Variants in FAM228B observed in about 807,000 individuals in gnomAD.
FAM228B encodes family with sequence similarity 228 member B.
A neutral mutation model predicts 42.6 loss-of-function variants in FAM228B; 38 were observed. The ratio of observed to expected loss-of-function variants is 0.89; its 90% CI spans 0.69 to 1.17. FAM228B has a LOEUF of 1.17. Among genes scored for constraint, FAM228B ranks in the 50% most tolerant of loss-of-function variants. FAM228B has a pLI of 0.00. For missense variants in FAM228B, 344 were observed against 367.3 expected (o/e 0.94, Z 0.52); for synonymous variants, 109 against 122.3 (o/e 0.89, Z 0.72).
intron 3 of FAM228B, among the ~76,000 whole-genome samples, chr2:24,136,449 C>T (rs1666591101): frequency 6.6e-6 from 1 of 152,202 alleles, no homozygotes; most frequent in Non-Finnish European, 1.5e-5. Flanking sequence ...GTCTCACACT[C>T]CTTACTTCAA....
intron 8 of FAM228B, among the ~76,000 whole-genome samples, chr2:24,162,616 G>A (rs1316689695): frequency 3.9e-5 from 6 of 152,098 alleles, no homozygotes; most frequent in Non-Finnish European, 8.8e-5. Flanking sequence ...TAAAGGCTAG[G>A]ATATGGATGT....
chr2:24,082,849 C>A, intron 2 of FAM228B: 2 of 1,563,014 alleles, frequency 1.3e-6, no homozygotes, highest in Admixed American at 1.8e-5. Context: ...AGGTGTTGAG[C>A]CACATTGTGT....
At chr2:24,138,174 C>G (rs1202543504) in intron 4 of FAM228B, 74 bp downstream of exon 4, 1 of 1,178,182 alleles carries the variant, frequency 8.5e-7, no homozygotes, top group Non-Finnish European at 1.2e-6. Context: ...TATAATCATT[C>G]AGTCAGTCTG....
intron 9 of FAM228B, chr2:24,165,758 T>C: frequency 3.4e-6 from 1 of 293,458 alleles, no homozygotes; most frequent in Non-Finnish European, 6.9e-6. Flanking sequence ...TATTAGGTGT[T>C]GGGCCATGTG....
chr2:24,110,247 T>C (rs1665767612), intron 3 of FAM228B, among the ~76,000 whole-genome samples: 1 of 151,918 alleles, frequency 6.6e-6, no homozygotes, highest in South Asian at 2.1e-4. Flanking sequence ...ACGTGGATAC[T>C]AGGAGGGAAA....
In FAM228B at chr2:24,164,408, G is replaced by C; in HGVS notation, c.932+73G>C. 2.1e-6 allele frequency: 3 copies of C among 1,459,756 alleles called. No individual in the cohort carries two copies. The South Asian group carries it at 4.0e-5, about 19-fold the overall frequency. The allele number at this position is 1,459,756 out of a possible 1,614,324, so 90.4% of individuals were successfully genotyped here. A position where few individuals can be genotyped will look rare whatever the true frequency, so the allele number is the denominator to read the frequency against. ...CTGATACCAAAATCTGAGCACCTGG[G>C]AACTTTCTTTGTATGGCAGGCTTCC... On this transcript the variant is annotated intron_variant, in intron 9 of 10. Transcript: ENST00000615575.
Position 24,147,073 on chromosome 2 carries a change from T to C in FAM228B, c.673T>C (p.Cys225Arg). The C allele has an allele frequency of 6.5e-7, 1 of 1,550,378 alleles. No homozygotes were observed. The highest frequency in any genetic ancestry group is 8.7e-7 in the Non-Finnish European group (1 of 1,146,250). Residue 225 changes from cysteine (C) to arginine (R), a missense_variant, in exon 7 of 11, where the codon TGT becomes CGT. Cys to Arg is a radical substitution (Grantham distance 180, BLOSUM62 -3). Transcript: ENST00000615575. ...TACAAGATACATAGAAAGTGAATTT[T>C]GTAGAAGGAGAAGGTAATGGTTAAT... is the stretch of plus-strand genomic sequence containing the variant. ...LPTRYIESEF[C>R]RRRRLKVKVN...
intron 2 of FAM228B, among the ~76,000 whole-genome samples, chr2:24,125,146 G>A (rs1471263515): frequency 3.9e-5 from 6 of 152,198 alleles, no homozygotes; most frequent in Non-Finnish European, 8.8e-5. Context: ...GGAGGCTGAG[G>A]TGGGAGGGTC....
chr2:24,141,395 C>G (rs1310885537), intron 5 of FAM228B, among the ~76,000 whole-genome samples: 2 of 152,188 alleles, frequency 1.3e-5, no homozygotes, highest in Non-Finnish European at 2.9e-5. Flanking sequence ...ATGCACCCAC[C>G]ACCACGCCTG....
rs1450321987 is a variant in FAM228B, at chr2:24,161,460, TA to T, written c.687-40del. 4 of 1,176,276 alleles carry T rather than the reference TA, an allele frequency of 3.4e-6. No homozygotes were observed. In the African/African-American group the frequency reaches 4.6e-5, roughly 13 times the overall value. The allele number at this position is 1,176,276 out of a possible 1,614,324, so 72.9% of individuals were successfully genotyped here. ...GAGATCTTGTCTCAAAAAACAACAA[TA>T]AAAAAGAACAAAAAAACCTTCTCAC... On this transcript the variant is annotated intron_variant, in intron 7 of 10. Coordinates refer to ENST00000615575, the MANE Select transcript of FAM228B (RefSeq NM_001145710.2).
Position 24,084,199 on chromosome 2 carries a change from T to C in FAM228B, c.-210+3244T>C, listed in dbSNP as rs758079757. Reference sequence around the variant, plus strand: ...CTGAGCCCTGGGTACCTGCATTAAGTCCGCCCGGTTCAGGGCGCTGGCCGC... The same window carrying C: ...CTGAGCCCTGGGTACCTGCATTAAGCCCGCCCGGTTCAGGGCGCTGGCCGC... On this transcript the variant is annotated intron_variant, in intron 2 of 10. Coordinates refer to the FAM228B transcript ENST00000613899. The surrounding 1 kb of genome is among the most constrained non-coding windows in gnomAD (Gnocchi z 8.4). The C allele has an allele frequency of 4.3e-5, 69 of 1,612,572 alleles. 1 individual carries two copies. In the South Asian group the frequency reaches 5.8e-4, roughly 14 times the overall value.
intron 3 of FAM228B, among the ~76,000 whole-genome samples, chr2:24,113,219 C>T (rs1161585516): frequency 7.9e-5 from 12 of 152,240 alleles, no homozygotes; most frequent in South Asian, 4.1e-4. Context: ...ACTTATTTAA[C>T]GTTCTTATTA....
chr2:24,163,316 G>T (rs1173423653), intron 8 of FAM228B, among the ~76,000 whole-genome samples: 1 of 152,188 alleles, frequency 6.6e-6, no homozygotes, highest in South Asian at 2.1e-4. Flanking sequence ...ACAACTAATT[G>T]TCTCCTGAGG....
At chr2:24,139,505 C>A in intron 5 of FAM228B, 55 bp downstream of exon 5, 3 of 1,084,766 alleles carry the variant, frequency 2.8e-6, no homozygotes, top group Middle Eastern at 2.0e-4. Context: ...TTGTTTTGAG[C>A]AGCCCTAATA....
chr2:24,119,709 C>T (rs764551636), upstream of FAM228B: 8 of 1,562,618 alleles, frequency 5.1e-6, no homozygotes, highest in Non-Finnish European at 6.1e-6. Flanking sequence ...AGAGAATATT[C>T]TGCTCTTGGT....
chr2:24,083,466 G>T (rs1665105577), intron 2 of FAM228B, among the ~76,000 whole-genome samples: 1 of 152,106 alleles, frequency 6.6e-6, no homozygotes, highest in African/African-American at 2.4e-5. Context: ...GAACCTTGAC[G>T]ATGGTTCCCA....
intron 2 of FAM228B, among the ~76,000 whole-genome samples, chr2:24,129,575 A>C (rs1431066683): frequency 6.6e-6 from 1 of 151,650 alleles, no homozygotes; most frequent in Non-Finnish European, 1.5e-5. Flanking sequence ...GTCTGTCTTC[A>C]AGTTCACTGA....
intron 3 of FAM228B, among the ~76,000 whole-genome samples, chr2:24,105,168 G>C (rs1665679260): frequency 6.6e-6 from 1 of 152,218 alleles, no homozygotes; most frequent in South Asian, 2.1e-4. Context: ...AACTCTGCAG[G>C]CAGGGACAAC....
chr2:24,110,873 C>A (rs950973645), intron 3 of FAM228B, among the ~76,000 whole-genome samples: 9 of 151,806 alleles, frequency 5.9e-5, no homozygotes, highest in African/African-American at 1.9e-4. Context: ...CTTGTGGGAA[C>A]TGAGCTCCTT....
Sources: allele counts gnomAD v4.1 joint callset (sites outside exome capture counted in the v4.1 genomes callset), GRCh38; gene constraint gnomAD v4.1.1; non-coding constraint Gnocchi (gnomAD v3.1); transcripts MANE v1.5; gene names NCBI Gene and HGNC (gene_info 2026-07-23, HGNC 2026-07-21).